The following RAPGEF2 variants were observed in gnomAD, a reference collection of about 807,000 sequenced individuals.
RAPGEF2 encodes Rap guanine nucleotide exchange factor 2, also known as PDZ domain containing guanine nucleotide exchange factor (GEF) 1.
Under a neutral mutation model 186.7 loss-of-function variants are expected in RAPGEF2, and 54 were observed. The observed-to-expected ratio is 0.29, with a 90% CI of 0.23 to 0.36. The LOEUF (loss-of-function observed/expected upper bound fraction) is 0.36. Ranked by LOEUF, RAPGEF2 falls within the 10% of genes least tolerant of loss-of-function variation. The pLI is 1.00. For missense variants in RAPGEF2, 1,532 were observed against 2,045.0 expected (o/e 0.75, Z 4.84); for synonymous variants, 712 against 705.9 (o/e 1.01, Z -0.14).
Position 159,288,321 on chromosome 4 carries a change from G to A in RAPGEF2, c.544-16021G>A, listed in dbSNP as rs533393966. Among the ~76,000 whole-genome samples the A allele has an allele frequency of 3.8e-4, 58 of 152,260 alleles. 1 individual carries two copies. In the South Asian group the frequency reaches 9.9e-3, roughly 26 times the overall value. On this transcript the variant is annotated intron_variant, in intron 7 of 29. Transcript: ENST00000691494. ...GAAGCCAGTACTAAAGTATTGTAGC[G>A]ATTTGTGATATATACCTAATCACCT...
Position 159,144,974 on chromosome 4 carries a change from A to G in RAPGEF2, c.69+40743A>G, listed in dbSNP as rs532311732. 2.3e-5 allele frequency among the ~76,000 whole-genome samples: 3 copies of G among 132,554 alleles called. 1 individual carries two copies. The highest frequency in any genetic ancestry group is 8.7e-5 in the African/African-American group (3 of 34,642). 87.0% of individuals were successfully genotyped at this position (132,554 alleles called of 152,430 possible). A position where few individuals can be genotyped will look rare whatever the true frequency, so the allele number is the denominator to read the frequency against. On this transcript the variant is annotated intron_variant, in intron 1 of 29. Coordinates refer to ENST00000691494, the MANE Select transcript of RAPGEF2 (RefSeq NM_001394067.2). ...ATGATCATGGCTCACTGCAGCCTCT[A>G]CCTCCCTAGGCTCAGGTGATTCTCC...
chr4:159,131,866 G>A (rs940261423), intron 1 of RAPGEF2, among the ~76,000 whole-genome samples: 18 of 151,920 alleles, frequency 1.2e-4, no homozygotes, highest in African/African-American at 4.1e-4. Context: ...AGGGCCATAG[G>A]TGGGAACTTT....
At chr4:159,257,297 G>A (rs917146106) in intron 7 of RAPGEF2, among the ~76,000 whole-genome samples, 9 of 152,298 alleles carry the variant, frequency 5.9e-5, no homozygotes, top group African/African-American at 2.2e-4. Flanking sequence ...AGTGCCACCT[G>A]GCTGGGGAAA....
At chr4:159,243,819 A>G (rs1237827848) in intron 7 of RAPGEF2, 28 bp downstream of exon 7, 1 of 1,257,860 alleles carries the variant, frequency 8.0e-7, no homozygotes, top group South Asian at 1.2e-5. Flanking sequence ...TGGTCTTCTG[A>G]CACTAACCTA....
intron 1 of RAPGEF2, among the ~76,000 whole-genome samples, chr4:159,145,050 G>C (rs1742790225): frequency 6.6e-6 from 1 of 151,728 alleles, no homozygotes; most frequent in South Asian, 2.1e-4. Flanking sequence ...CAGTACACCT[G>C]GGTAGTTTTT....
At position 159,353,888 on chromosome 4, in the gene RAPGEF2, C is replaced by T. The variant is rs1323849378; in HGVS notation, c.4493C>T (p.Ser1498Leu). Reference sequence around the variant, plus strand: ...TCCACAGGTTACTGGGGAGAAGACTCAGAAGGTGACACAGGCACAATAAAG... The same window carrying T: ...TCCACAGGTTACTGGGGAGAAGACTTAGAAGGTGACACAGGCACAATAAAG... ...ASSTGYWGED[S>L]EGDTGTIKRR... The change falls in exon 28 of 30, where the codon TCA (serine) becomes TTA (leucine). Residue 1498 changes from serine (S) to leucine (L), a missense_variant. Ser to Leu is a moderately radical substitution (Grantham distance 145, BLOSUM62 -2). Coordinates refer to ENST00000691494, the MANE Select transcript of RAPGEF2 (RefSeq NM_001394067.2). The surrounding 1 kb of genome is among the most constrained non-coding windows in gnomAD (Gnocchi z 4.3). The T allele has an allele frequency of 2.5e-6, 4 of 1,614,032 alleles. No individual in the cohort carries two copies. The highest frequency in any genetic ancestry group is 2.2e-5 in the South Asian group (2 of 91,084).
intron 1 of RAPGEF2, among the ~76,000 whole-genome samples, chr4:159,175,553 G>T (rs1463192972): frequency 6.6e-6 from 1 of 152,088 alleles, no homozygotes; most frequent in South Asian, 2.1e-4. Flanking sequence ...ACTTGTTCCC[G>T]ACTTCCTGCC....
intron 7 of RAPGEF2, among the ~76,000 whole-genome samples, chr4:159,296,729 G>A (rs1762073581): frequency 6.6e-6 from 1 of 152,136 alleles, no homozygotes; most frequent in South Asian, 2.1e-4. Flanking sequence ...ATCTAATTTT[G>A]TTATCTTTGG....
chr4:159,352,946 C>T, intron 27 of RAPGEF2, 36 bp downstream of exon 27: 1 of 1,505,280 alleles, frequency 6.6e-7, no homozygotes, highest in South Asian at 1.2e-5. Context: ...CTGAATTTAT[C>T]CTTCCATCTC....
At chr4:159,253,850 C>T (rs868196474) in intron 7 of RAPGEF2, among the ~76,000 whole-genome samples, 22 of 151,982 alleles carry the variant, frequency 1.4e-4, no homozygotes, top group African/African-American at 5.1e-4. Context: ...CGCCTGTAGT[C>T]CCAGCTACTC....
intron 1 of RAPGEF2, among the ~76,000 whole-genome samples, chr4:159,139,598 A>G (rs1388040272): frequency 1.3e-5 from 2 of 152,192 alleles, no homozygotes; most frequent in African/African-American, 4.8e-5. Flanking sequence ...GTAGCACTTT[A>G]AATTTTTTTC....
chr4:159,189,214 T>C (rs570457155), intron 2 of RAPGEF2, among the ~76,000 whole-genome samples: 1 of 152,340 alleles, frequency 6.6e-6, no homozygotes, highest in African/African-American at 2.4e-5. Flanking sequence ...TGTTAAGTAT[T>C]GGGCAGTAGA....
intron 7 of RAPGEF2, among the ~76,000 whole-genome samples, chr4:159,290,477 A>G (rs2110952630): frequency 6.6e-6 from 1 of 152,362 alleles, no homozygotes; most frequent in East Asian, 1.9e-4. Context: ...ATACACACTT[A>G]ACAGAAACAT....
At chr4:159,260,087 T>A (rs932292070) in intron 7 of RAPGEF2, among the ~76,000 whole-genome samples, 1 of 152,064 alleles carries the variant, frequency 6.6e-6, no homozygotes, top group Non-Finnish European at 1.5e-5. Flanking sequence ...AGCCTTGACC[T>A]CCCAGGCTCA....
intron 19 of RAPGEF2, among the ~76,000 whole-genome samples, chr4:159,340,278 T>A (rs941295621): frequency 2.0e-5 from 3 of 152,210 alleles, no homozygotes; most frequent in African/African-American, 7.2e-5. Flanking sequence ...TTCACTTTTG[T>A]TTTCAAACAC....
At chr4:159,331,406 T>C (rs780305644) in intron 13 of RAPGEF2, 25 bp from the exon 14 acceptor site, 1 of 1,468,498 alleles carries the variant, frequency 6.8e-7, no homozygotes, top group East Asian at 2.3e-5. Context: ...AAAAGGAAAC[T>C]TATTGAAAAT....
intron 7 of RAPGEF2, among the ~76,000 whole-genome samples, chr4:159,255,328 C>G (rs74509841): frequency 0.015 from 2,224 of 151,726 alleles, 68 homozygotes; most frequent in African/African-American, 0.051. Context: ...GAATTCTTCT[C>G]TTTCTTTTGC....
At chr4:159,111,507 C>T (rs1275617826) in intron 1 of RAPGEF2, among the ~76,000 whole-genome samples, 2 of 152,212 alleles carry the variant, frequency 1.3e-5, no homozygotes, top group African/African-American at 4.8e-5. Flanking sequence ...TCTTCTCTAG[C>T]TCATGGTATT....
chr4:159,183,888 C>T lies in RAPGEF2; in HGVS notation c.70-2754C>T, dbSNP rs1447103034. Among the ~76,000 whole-genome samples the T allele has an allele frequency of 2.6e-5, 4 of 152,282 alleles. No individual in the cohort carries two copies. The East Asian group carries it at 7.7e-4, about 29-fold the overall frequency. ...GTATATCTCCTAATGCTATCCCTCC[C>T]CCCTCCTCTCACCCCATGACAGGCT... On this transcript the variant is annotated intron_variant, in intron 1 of 29. Transcript: ENST00000691494.
Sources: allele counts gnomAD v4.1 joint callset (sites outside exome capture counted in the v4.1 genomes callset), GRCh38; gene constraint gnomAD v4.1.1; non-coding constraint Gnocchi (gnomAD v3.1); transcripts MANE v1.5; gene names NCBI Gene and HGNC (gene_info 2026-07-23, HGNC 2026-07-21).